The following XDH variants were observed in gnomAD, a reference collection of about 807,000 sequenced individuals.
The protein encoded by XDH is xanthine dehydrogenase/oxidase.
XDH carries 138 observed loss-of-function variants against 156.1 expected under a neutral mutation model. The ratio of observed to expected loss-of-function variants is 0.88; its 90% confidence interval spans 0.77 to 1.02. The LOEUF (loss-of-function observed/expected upper bound fraction) is 1.02, where lower values mean the gene tolerates loss of function less well. Ranked by LOEUF, XDH falls within the 50% of genes least tolerant of loss-of-function variation. XDH has a pLI of 0.00. For missense variants in XDH, 1,849 were observed against 1,684.9 expected (o/e 1.10, Z -1.71); for synonymous variants, 669 against 625.7 (o/e 1.07, Z -1.03).
At chr2:31,352,847 G>A (rs909965998) in intron 24 of XDH, among the ~76,000 whole-genome samples, 1 of 151,634 alleles carries the variant, frequency 6.6e-6, no homozygotes, top group Admixed American at 6.6e-5. Context: ...GATCCAAAAG[G>A]GTAAAGGGGA....
rs901645055 is a variant in XDH, at chr2:31,383,218, C to A, written c.887-66G>T. 6.8e-6 allele frequency: 11 copies of A among 1,611,060 alleles called. No individual in the cohort carries two copies. In the African/African-American group the frequency reaches 1.5e-4, roughly 22 times the overall value. ...GTTCAGAAGAGGCTTTCATGCACAGCTCCTCTGAAGCTTTCCAGCAACTGG... is the reference window on the plus strand; with the variant it reads ...GTTCAGAAGAGGCTTTCATGCACAGATCCTCTGAAGCTTTCCAGCAACTGG... On this transcript the variant is annotated intron_variant, in intron 10 of 35. Coordinates refer to ENST00000379416, the MANE Select transcript of XDH (RefSeq NM_000379.4).
chr2:31,349,494 C>T (rs192576727), intron 26 of XDH, among the ~76,000 whole-genome samples, 192 bp downstream of exon 26: 3 of 152,298 alleles, frequency 2.0e-5, no homozygotes, highest in African/African-American at 7.2e-5. Flanking sequence ...ACACCGATTG[C>T]AGGCTGTGAG....
chr2:31,380,149 C>T (rs1686397699), intron 12 of XDH, among the ~76,000 whole-genome samples, 173 bp from the exon 13 acceptor site: 2 of 152,242 alleles, frequency 1.3e-5, no homozygotes, highest in African/African-American at 4.8e-5. Context: ...CCTTAAGCAT[C>T]CTTAAGCAAT....
In XDH at chr2:31,403,007, G is replaced by A. The variant is rs756493231; in HGVS notation, c.197+41C>T. ...CTCCCTCACAAGCTGGTCCTGCATCGCAGCCCCCATGTGGGTGGTCAGCCA... is the reference window on the plus strand; with the variant it reads ...CTCCCTCACAAGCTGGTCCTGCATCACAGCCCCCATGTGGGTGGTCAGCCA... On this transcript the variant is annotated intron_variant, in intron 3 of 35. Coordinates refer to ENST00000379416, the MANE Select transcript of XDH (RefSeq NM_000379.4). 11 of 1,607,974 alleles carry A rather than the reference G, an allele frequency of 6.8e-6. 1 individual carries two copies. Among genetic ancestry groups the A allele is most frequent in the Middle Eastern group, 3.3e-4 (2 of 6,070 alleles).
intron 1 of XDH, 53 bp downstream of exon 1, chr2:31,414,572 A>T (rs1687428944): frequency 2.5e-6 from 4 of 1,609,822 alleles, no homozygotes; most frequent in Non-Finnish European, 3.4e-6. Context: ...CAGAGGACAC[A>T]TTTCCCCTCC....
chr2:31,402,771 G>C (rs1472498985), intron 3 of XDH, among the ~76,000 whole-genome samples: 1 of 152,172 alleles, frequency 6.6e-6, no homozygotes, highest in East Asian at 1.9e-4. Flanking sequence ...TGTCCTGGGG[G>C]CAATGAAGAG....
At chr2:31,349,614 T>C in intron 26 of XDH, 72 bp downstream of exon 26, 2 of 1,430,282 alleles carry the variant, frequency 1.4e-6, no homozygotes, top group Non-Finnish European at 1.9e-6. Context: ...TAGCTTCCTA[T>C]ATGGGGTCAG....
At chr2:31,402,953 A>C in intron 3 of XDH, 95 bp downstream of exon 3, 4 of 1,341,206 alleles carry the variant, frequency 3.0e-6, no homozygotes, top group Non-Finnish European at 4.3e-6. Context: ...ACACATGCGC[A>C]CATGCACATA....
rs1686647145 is a variant in XDH at position 31,387,666 on chromosome 2, G to C, written c.651+145C>G. 4 of 729,298 alleles carry C rather than the reference G, an allele frequency of 5.5e-6. No homozygotes were observed. In the Admixed American group the frequency reaches 9.1e-5, roughly 17 times the overall value. 45.2% of individuals were successfully genotyped at this position (729,298 alleles called of 1,614,324 possible). A position where few individuals can be genotyped will look rare whatever the true frequency, so the allele number is the denominator to read the frequency against. On this transcript the variant is annotated intron_variant, in intron 8 of 35. Coordinates refer to ENST00000379416, the MANE Select transcript of XDH (RefSeq NM_000379.4). The stretch of plus-strand genomic sequence containing the variant: ...CACATAGCAGAGACTCAACCTAGGG[G>C]AGTGTCAGAAAATGGAAGGGAAATT...
intron 24 of XDH, among the ~76,000 whole-genome samples, chr2:31,359,824 T>G (rs1685728154): frequency 6.6e-6 from 1 of 152,206 alleles, no homozygotes; most frequent in Non-Finnish European, 1.5e-5. Context: ...TGTCCTAAAT[T>G]GTGGCATATT....
chr2:31,385,281 T>A (rs1360139134), intron 9 of XDH, among the ~76,000 whole-genome samples: 1 of 152,244 alleles, frequency 6.6e-6, no homozygotes, highest in African/African-American at 2.4e-5. Flanking sequence ...ATGAGTCCTG[T>A]TGAGCCATGG....
intron 35 of XDH, among the ~76,000 whole-genome samples, chr2:31,336,580 G>A (rs921615075): frequency 2.6e-5 from 4 of 151,770 alleles, no homozygotes; most frequent in African/African-American, 9.7e-5. Context: ...CTGCACAGAT[G>A]TGGGCATCTT....
intron 19 of XDH, 62 bp from the exon 20 acceptor site, chr2:31,368,119 G>T: frequency 1.4e-6 from 2 of 1,460,302 alleles, no homozygotes; most frequent in South Asian, 1.1e-5. Flanking sequence ...GATAGGTTCT[G>T]ATTAGGGAAA....
intron 1 of XDH, among the ~76,000 whole-genome samples, chr2:31,407,707 G>A (rs574341290): frequency 3.3e-5 from 5 of 152,220 alleles, no homozygotes; most frequent in South Asian, 2.1e-4. Flanking sequence ...TCCTCACCCC[G>A]CCGTCCTGAA....
At chr2:31,364,381 T>A in intron 23 of XDH, 137 bp from the exon 24 acceptor site, 1 of 895,820 alleles carries the variant, frequency 1.1e-6, no homozygotes, top group Non-Finnish European at 1.8e-6. Flanking sequence ...GAAAAAAAGG[T>A]GACCTTCAGA....
At position 31,391,069 on chromosome 2, in the gene XDH, GT is replaced by G. The variant is rs535386664; in HGVS notation, c.496-2775del. Among the ~76,000 whole-genome samples, 974 of 152,128 alleles carry G rather than the reference GT, an allele frequency of 6.4e-3. 3 individuals are homozygous for G. Among genetic ancestry groups the G allele is most frequent in the Middle Eastern group, 0.017 (5 of 294 alleles). ...TCATCATCATTCCAAGGTCATCTAG[GT>G]TTTCTCCTATGTCATCTTCTAGGAG... On this transcript the variant is annotated intron_variant, in intron 6 of 35. Coordinates refer to ENST00000379416, the MANE Select transcript of XDH (RefSeq NM_000379.4).
intron 11 of XDH, 147 bp from the exon 12 acceptor site, chr2:31,381,873 G>A: frequency 1.4e-6 from 1 of 733,310 alleles, no homozygotes; most frequent in South Asian, 1.5e-5. Flanking sequence ...TACCAGCATA[G>A]TGAGAACTTC....
intron 24 of XDH, among the ~76,000 whole-genome samples, chr2:31,352,283 C>T (rs945602869): frequency 1.3e-5 from 2 of 152,090 alleles, no homozygotes; most frequent in African/African-American, 2.4e-5. Flanking sequence ...ATTTTAGTAA[C>T]ATTCTGTTCC....
chr2:31,379,665 G>A (rs563747031), intron 13 of XDH, among the ~76,000 whole-genome samples: 86 of 152,336 alleles, frequency 5.6e-4, no homozygotes, highest in African/African-American at 2.0e-3. Context: ...TCCATGCCAT[G>A]TGGACTCCTA....
Sources: allele counts gnomAD v4.1 joint callset (sites outside exome capture counted in the v4.1 genomes callset), GRCh38; gene constraint gnomAD v4.1.1; transcripts MANE v1.5; gene names NCBI Gene and HGNC (gene_info 2026-07-23, HGNC 2026-07-21).